The following VCL variants were observed in gnomAD, a reference collection of about 807,000 sequenced individuals.
The protein encoded by VCL is vinculin, also known as epididymis luminal protein 114.
A neutral mutation model predicts 125.7 loss-of-function variants in VCL; 47 were observed. The ratio of observed to expected loss-of-function variants is 0.37; its 90% CI spans 0.30 to 0.48. The LOEUF is 0.48. Ranked by LOEUF, VCL falls within the 20% of genes least tolerant of loss-of-function variation. VCL has a pLI of 0.99. For synonymous variants in VCL, 458 were observed against 514.6 expected (o/e 0.89, Z 1.49); for missense variants, 1,069 against 1,455.5 (o/e 0.73, Z 4.32).
intron 2 of VCL, among the ~76,000 whole-genome samples, chr10:74,060,820 C>CA (rs1345804857): frequency 1.3e-5 from 2 of 151,774 alleles, no homozygotes; most frequent in Non-Finnish European, 2.9e-5. Context: ...TTTTTTCTTA[C>CA]AAAATAATTA....
chr10:74,114,438 C>CGTGT, intron 20 of VCL, 51 bp downstream of exon 20: 1 of 1,078,566 alleles, frequency 9.3e-7, no homozygotes, highest in Middle Eastern at 2.9e-4. Context: ...TGTGTGTGTG[C>CGTGT]GTGTGTGTGT....
intron 1 of VCL, among the ~76,000 whole-genome samples, chr10:74,007,643 G>A (rs1253465328): frequency 1.4e-5 from 2 of 147,014 alleles, no homozygotes; most frequent in Non-Finnish European, 3.0e-5. Context: ...TTACAGGCAC[G>A]TGCCACCACA....
intron 11 of VCL, among the ~76,000 whole-genome samples, chr10:74,094,860 G>C (rs146612278): frequency 7.4e-4 from 112 of 152,290 alleles, no homozygotes; most frequent in African/African-American, 2.6e-3. Context: ...CTTGAGACCA[G>C]GAGTTCCAGT....
chr10:74,001,345 A>G (rs1840220858), intron 1 of VCL, among the ~76,000 whole-genome samples: 1 of 152,086 alleles, frequency 6.6e-6, no homozygotes, highest in South Asian at 2.1e-4. Flanking sequence ...TTTGGTTTTA[A>G]ATAGAGACAG....
intron 1 of VCL, among the ~76,000 whole-genome samples, chr10:74,017,956 C>T (rs1277976100): frequency 6.6e-6 from 1 of 150,656 alleles, no homozygotes; most frequent in Admixed American, 6.6e-5. Context: ...CGTAGAAGTC[C>T]GAGACCAGCC....
chr10:74,065,001 T>C (rs1841544011), intron 2 of VCL, among the ~76,000 whole-genome samples: 1 of 152,022 alleles, frequency 6.6e-6, no homozygotes, highest in Non-Finnish European at 1.5e-5. Context: ...CAATTAAAAA[T>C]GAATGACAAA....
intron 1 of VCL, among the ~76,000 whole-genome samples, chr10:74,009,555 G>A (rs775696068): frequency 2.0e-5 from 3 of 150,684 alleles, no homozygotes; most frequent in Admixed American, 2.0e-4. Context: ...CACCGCGCCC[G>A]GCTTTAATTC....
chr10:74,042,131 T>C (rs1043117560), intron 1 of VCL, among the ~76,000 whole-genome samples: 7 of 152,240 alleles, frequency 4.6e-5, no homozygotes, highest in Non-Finnish European at 8.8e-5. Flanking sequence ...GTTGTACTCA[T>C]AATGTATATT....
intron 2 of VCL, among the ~76,000 whole-genome samples, chr10:74,051,521 C>T (rs1841299732): frequency 1.3e-5 from 2 of 152,128 alleles, no homozygotes; most frequent in African/African-American, 2.4e-5. Context: ...TTATTTAGTC[C>T]ACTTCATTTT....
chr10:74,045,613 ACT>A (rs1841184130), intron 2 of VCL, among the ~76,000 whole-genome samples: 1 of 138,136 alleles, frequency 7.2e-6, no homozygotes, highest in Non-Finnish European at 1.6e-5. Flanking sequence ...ACAGAGTGAG[ACT>A]CTGTCTCAAA....
chr10:74,118,550 C>T lies in VCL; in HGVS notation c.*381C>T. On this transcript the variant is annotated 3_prime_UTR_variant, in exon 22 of 22. Transcript: ENST00000211998. The stretch of plus-strand genomic sequence containing the variant: ...TGTTTCTCTTTCCTTGGCTCCCATT[C>T]ACTCTTCCAGAATCCCAAGACCCAG... 3.2e-6 allele frequency: 1 copy of T among 311,636 alleles called. No homozygotes were observed. Among genetic ancestry groups the T allele is most frequent in the South Asian group, 3.0e-5 (1 of 33,368 alleles). 19.3% of individuals were successfully genotyped at this position (311,636 alleles called of 1,614,324 possible). A position where few individuals can be genotyped will look rare whatever the true frequency, so the allele number is the denominator to read the frequency against.
chr10:74,020,744 G>A (rs1477646227), intron 1 of VCL, among the ~76,000 whole-genome samples: 1 of 149,126 alleles, frequency 6.7e-6, no homozygotes, highest in African/African-American at 2.5e-5. Context: ...AGGAGGCTGA[G>A]GCAGAAGGGT....
chr10:74,100,359 TAA>T (rs1457802715), intron 13 of VCL, among the ~76,000 whole-genome samples: 1 of 152,252 alleles, frequency 6.6e-6, no homozygotes, highest in Non-Finnish European at 1.5e-5. Flanking sequence ...TTGGGGTTAA[TAA>T]AAGTCAGTCA....
At chr10:74,007,051 GACCTAC>G (rs1840334156) in intron 1 of VCL, among the ~76,000 whole-genome samples, 1 of 151,254 alleles carries the variant, frequency 6.6e-6, no homozygotes, top group Admixed American at 6.6e-5. Context: ...CTGTAGCGTC[GACCTAC>G]TGGGCATTGA....
intron 1 of VCL, among the ~76,000 whole-genome samples, chr10:74,013,455 G>A (rs1432299887): frequency 1.3e-5 from 2 of 151,918 alleles, no homozygotes; most frequent in African/African-American, 4.8e-5. Context: ...TTGATCTTTT[G>A]CAAATGAGCA....
intron 10 of VCL, among the ~76,000 whole-genome samples, chr10:74,091,791 C>CAAAAAAAAAAAAAAAAAAAAAAA (rs545539526): frequency 5.7e-4 from 35 of 61,124 alleles, no homozygotes; most frequent in South Asian, 1.2e-3. Flanking sequence ...TCTGTCTCAG[C>CAAAAAAAAAAAAAAAAAAAAAAA]AAAAAAAAAA....
At chr10:74,054,175 A>AT (rs1403647923) in intron 2 of VCL, among the ~76,000 whole-genome samples, 1 of 152,098 alleles carries the variant, frequency 6.6e-6, no homozygotes, top group African/African-American at 2.4e-5. Context: ...TACTAGTCCA[A>AT]TTTTTTATAG....
At chr10:74,042,079 T>A (rs1449580628) in intron 1 of VCL, among the ~76,000 whole-genome samples, 1 of 152,258 alleles carries the variant, frequency 6.6e-6, no homozygotes, top group African/African-American at 2.4e-5. Context: ...AAATGTTCTT[T>A]CGGTGTTGTT....
intron 1 of VCL, among the ~76,000 whole-genome samples, chr10:74,033,932 T>C (rs893080780): frequency 6.6e-6 from 1 of 152,188 alleles, no homozygotes; most frequent in Non-Finnish European, 1.5e-5. Flanking sequence ...ACCTGCCCTC[T>C]CATCTCCATT....
Sources: gnomAD v4.1 joint callset for allele counts (sites outside exome capture counted in the v4.1 genomes callset) on GRCh38, gnomAD v4.1.1 for gene constraint, MANE v1.5 for transcripts, NCBI Gene and HGNC (gene_info 2026-07-23, HGNC 2026-07-21) for gene names.